The following RABGGTA variants were observed in gnomAD, a reference collection of about 807,000 sequenced individuals.
RABGGTA encodes the protein Rab geranylgeranyltransferase subunit alpha.
Under a neutral mutation model 83.3 loss-of-function variants are expected in RABGGTA, and 69 were observed. The ratio of observed to expected loss-of-function variants is 0.83; its 90% confidence interval spans 0.68 to 1.01. The LOEUF is 1.01. RABGGTA is among the 50% of genes least tolerant of loss of function. The probability of loss-of-function intolerance (pLI) is 0.00; values close to 1 mark genes in which losing one functional copy is unlikely to be tolerated. For synonymous variants in RABGGTA, 310 were observed against 299.8 expected (o/e 1.03, Z -0.35); for missense variants, 681 against 712.7 (o/e 0.96, Z 0.51).
chr14:24,268,847 T>G, intron 8 of RABGGTA, 21 bp from the exon 9 acceptor site: 1 of 1,564,584 alleles, frequency 6.4e-7, no homozygotes, highest in Non-Finnish European at 8.7e-7. Flanking sequence ...GGACAAAGAC[T>G]TCAGCCCCAT....
rs150090740 is a variant in RABGGTA at position 24,267,682 on chromosome 14, C to T, written c.1331G>A (p.Arg444His). 32 of 1,611,542 alleles carry T rather than the reference C, an allele frequency of 2.0e-5. No homozygotes were observed. The highest frequency in any genetic ancestry group is 8.9e-5 in the East Asian group (4 of 44,882). The change falls in exon 14 of 17, where the codon CGT becomes CAT. Residue 444 changes from arginine to histidine, a missense_variant. Physicochemically the swap from Arg to His is conservative, Grantham distance 29 (BLOSUM62 0). Around this residue, in one of 5 missense-constraint regions of RABGGTA, gnomAD observed 421 missense variants for 418.5 expected, o/e 1.01. Coordinates refer to ENST00000216840, the MANE Select transcript of RABGGTA (RefSeq NM_182836.3). ...TACCTTGTGAGCCAGGTGCAGCACA[C>T]GCACCTCGGCATACTCCATCTTGAG... Reference protein sequence around the residue: ...SVLKMEYAEVRVLHLAHKDLT... With the variant: ...SVLKMEYAEVHVLHLAHKDLT...
Position 24,269,968 on chromosome 14 carries a change from C to A in RABGGTA, c.412G>T (p.Val138Leu). The A allele has an allele frequency of 1.2e-6, 2 of 1,613,616 alleles. No individual in the cohort carries two copies. Among genetic ancestry groups the A allele is most frequent in the Non-Finnish European group, 8.5e-7 (1 of 1,179,788 alleles). Reference sequence around the variant, plus strand: ...AGCCACGTACAGTTCCGCTCATCCACCTCCAGGAAACGGGCACAGAGCTCC... The same window carrying A: ...AGCCACGTACAGTTCCGCTCATCCAACTCCAGGAAACGGGCACAGAGCTCC... ...ELELCARFLE[V>L]DERNFHCWDY... is the part of the protein sequence containing the mutation. Residue 138 changes from valine (V) to leucine (L), a missense_variant, in exon 5 of 17, where the codon GTG becomes TTG. Val to Leu is a conservative substitution (Grantham distance 32). Coordinates refer to ENST00000216840, the MANE Select transcript of RABGGTA (RefSeq NM_182836.3).
chr14:24,270,749 A>T (rs1455171790), intron 3 of RABGGTA, 88 bp downstream of exon 3: 12 of 1,512,234 alleles, frequency 7.9e-6, no homozygotes, highest in African/African-American at 1.4e-5. Flanking sequence ...AATTGGATCT[A>T]GGCAGTCTGA....
intron 15 of RABGGTA, 63 bp from the exon 16 acceptor site, chr14:24,266,580 G>T: frequency 1.3e-6 from 2 of 1,491,580 alleles, no homozygotes; most frequent in Non-Finnish European, 1.9e-6. Context: ...TTCAGCAACT[G>T]AGGAGCTCAG....
At chr14:24,271,023 C>T in intron 2 of RABGGTA, 76 bp from the exon 3 acceptor site, 1 of 1,596,242 alleles carries the variant, frequency 6.3e-7, no homozygotes, top group Non-Finnish European at 8.5e-7. Flanking sequence ...CACTGTGGAG[C>T]CCTAGGTTCA....
At chr14:24,266,612 A>C (rs1177547407) in intron 15 of RABGGTA, 95 bp from the exon 16 acceptor site, 1 of 1,321,054 alleles carries the variant, frequency 7.6e-7, no homozygotes, top group African/African-American at 1.5e-5. Context: ...CACAGAGCAC[A>C]GAGGGGCTCA....
At position 24,265,836 on chromosome 14, in the gene RABGGTA, T is replaced by C. The variant is rs2040866963; in HGVS notation, c.1556-73A>G. 7.4e-6 allele frequency: 11 copies of C among 1,487,518 alleles called. No individual in the cohort carries two copies. In the East Asian group the frequency reaches 2.7e-4, roughly 37 times the overall value. The allele number at this position is 1,487,518 out of a possible 1,614,324, so 92.1% of individuals were successfully genotyped here. A position where few individuals can be genotyped will look rare whatever the true frequency, so the allele number is the denominator to read the frequency against. On this transcript the variant is annotated intron_variant, in intron 16 of 16. Coordinates refer to ENST00000216840, the MANE Select transcript of RABGGTA (RefSeq NM_182836.3). ...TTTGCTCCTGTGTACCCTCAAGAGC[T>C]GGGGACTGCTGCCTGGAAGTCTGTT...
At chr14:24,268,255 A>G in intron 11 of RABGGTA, 57 bp from the exon 12 acceptor site, 2 of 1,605,932 alleles carry the variant, frequency 1.2e-6, no homozygotes, top group South Asian at 2.2e-5. Context: ...GCACTGGTCA[A>G]CATTCCCAGT....
At position 24,271,154 on chromosome 14, in the gene RABGGTA, T is replaced by A; in HGVS notation, c.-39A>T. The stretch of plus-strand genomic sequence containing the variant: ...GGTTCAAGACAGGGGAAGGGTCCAG[T>A]GGTAGCCCTTGAAGTCTGAGGAGAG... On this transcript the variant is annotated 5_prime_UTR_variant, in exon 2 of 17. Transcript: ENST00000216840. 6.6e-7 allele frequency: 1 copy of A among 1,518,150 alleles called. No individual in the cohort carries two copies. The highest frequency in any genetic ancestry group is 8.8e-7 in the Non-Finnish European group (1 of 1,134,396). 94.0% of individuals were successfully genotyped at this position (1,518,150 alleles called of 1,614,324 possible).
chr14:24,268,308 T>C, intron 11 of RABGGTA, 61 bp downstream of exon 11: 1 of 1,611,360 alleles, frequency 6.2e-7, no homozygotes. Context: ...CCTCCTGCCC[T>C]GGCTGCCTGA....
intron 3 of RABGGTA, among the ~76,000 whole-genome samples, 183 bp from the exon 4 acceptor site, chr14:24,270,641 G>A (rs1264917956): frequency 1.3e-5 from 2 of 152,212 alleles, no homozygotes; most frequent in Non-Finnish European, 1.5e-5. Flanking sequence ...TATGCAGTAG[G>A]TGCAATTATT....
intron 6 of RABGGTA, 73 bp from the exon 7 acceptor site, chr14:24,269,236 C>G (rs1268633553): frequency 7.2e-7 from 1 of 1,390,008 alleles, no homozygotes; most frequent in Non-Finnish European, 1.0e-6. Flanking sequence ...ACACCCTACC[C>G]TCTCCTTGGA....
chr14:24,268,731 AT>A lies in RABGGTA; in HGVS notation c.893del (p.His298LeufsTer37). The A allele has an allele frequency of 6.3e-7, 1 of 1,597,212 alleles. No homozygotes were observed. The highest frequency in any genetic ancestry group is 8.5e-7 in the Non-Finnish European group (1 of 1,171,864). The stretch of plus-strand genomic sequence containing the variant: ...CCCACCAATCCTGGGATACCCAGAC[AT>A]GGCTGGGCCGGTTCCTGCCATCTGG... ...RTPDGRNRPS[H>X]VWLCDLPAAS... On this transcript the variant is annotated frameshift_variant, in exon 9 of 17. Coordinates refer to ENST00000216840, the MANE Select transcript of RABGGTA (RefSeq NM_182836.3). LOFTEE classifies it high-confidence loss of function.
rs533780062 is a variant in RABGGTA at position 24,266,745 on chromosome 14, C to T, written c.1467+31G>A. 64 of 1,569,598 alleles carry T rather than the reference C, an allele frequency of 4.1e-5. No homozygotes were observed. Among genetic ancestry groups the T allele is most frequent in the Middle Eastern group, 3.4e-4 (2 of 5,958 alleles). ...GGAGAGGAAGAGGAAAAGAACCACCCGTGACAGGGACGGAGACATGGGTAC... is the reference window on the plus strand; with the variant it reads ...GGAGAGGAAGAGGAAAAGAACCACCTGTGACAGGGACGGAGACATGGGTAC... On this transcript the variant is annotated intron_variant, in intron 15 of 16. Coordinates refer to ENST00000216840, the MANE Select transcript of RABGGTA (RefSeq NM_182836.3).
chr14:24,269,409 A>G, intron 6 of RABGGTA, 82 bp downstream of exon 6: 2 of 1,448,586 alleles, frequency 1.4e-6, no homozygotes, highest in South Asian at 2.3e-5. Flanking sequence ...AACCTGAGTG[A>G]CAGGTTCAGG....
chr14:24,270,794 T>G (rs768775015), intron 3 of RABGGTA, 43 bp downstream of exon 3: 2 of 1,595,058 alleles, frequency 1.3e-6, no homozygotes, highest in East Asian at 2.3e-5. Context: ...TGCACTATAC[T>G]AAGGGAGCTA....
chr14:24,270,793 C>T (rs1459981302), intron 3 of RABGGTA, 44 bp downstream of exon 3: 2 of 1,593,934 alleles, frequency 1.3e-6, no homozygotes, highest in East Asian at 4.5e-5. Context: ...CTGCACTATA[C>T]TAAGGGAGCT....
Position 24,270,790 on chromosome 14 carries a change from A to G in RABGGTA, c.114+47T>C, listed in dbSNP as rs780211496. The stretch of plus-strand genomic sequence containing the variant: ...GGGACCAGCTCTTGGCCTCTGCACT[A>G]TACTAAGGGAGCTACTTGGGGTCGG... On this transcript the variant is annotated intron_variant, in intron 3 of 16. Coordinates refer to ENST00000216840, the MANE Select transcript of RABGGTA (RefSeq NM_182836.3). 4.4e-6 allele frequency: 7 copies of G among 1,591,086 alleles called. No homozygotes were observed. The East Asian group carries it at 6.8e-5, about 15-fold the overall frequency.
At chr14:24,267,466 A>G (rs1403649804) in intron 14 of RABGGTA, among the ~76,000 whole-genome samples, 194 bp downstream of exon 14, 2 of 151,932 alleles carry the variant, frequency 1.3e-5, no homozygotes, top group Non-Finnish European at 2.9e-5. Flanking sequence ...GTGACTCGGG[A>G]TTTGAAAGTG....
Sources: gnomAD v4.1 joint callset for allele counts (sites outside exome capture counted in the v4.1 genomes callset) on GRCh38, gnomAD v4.1.1 for gene constraint, gnomAD v4.1.1 regional missense constraint, MANE v1.5 for transcripts, NCBI Gene and HGNC (gene_info 2026-07-23, HGNC 2026-07-21) for gene names.